SERTM1: variants seen among roughly 807,000 people sequenced by gnomAD.
SERTM1 encodes the protein serine-rich and transmembrane domain-containing protein 1.
A neutral mutation model predicts 5.5 loss-of-function variants in SERTM1; 1 was observed. The observed-to-expected ratio is 0.18, with a 90% CI of 0.06 to 0.86. The LOEUF is 0.86. Among genes scored for constraint, SERTM1 ranks in the 40% least tolerant of loss-of-function variants. SERTM1 has a pLI of 0.69. For missense variants in SERTM1, 91 were observed against 122.4 expected, an observed-to-expected ratio of 0.74 and a Z score of 1.21; for synonymous variants, 52 against 55.1, an observed-to-expected ratio of 0.94 and a Z score of 0.25.
rs1255021416 is a variant in SERTM1 at position 36,697,816 on chromosome 13, A to G, written c.*2414A>G. On this transcript the variant is annotated 3_prime_UTR_variant, in exon 2 of 2. Transcript: ENST00000315190. ...GAAAGGTTGGAAGATGGGTTTATAAATAAAGAAGTGGAGTCCATTGAAAGC... is the reference window on the plus strand; with the variant it reads ...GAAAGGTTGGAAGATGGGTTTATAAGTAAAGAAGTGGAGTCCATTGAAAGC... 1 of 167,080 alleles carries G rather than the reference A, an allele frequency of 6.0e-6. No homozygotes were observed. The highest frequency in any genetic ancestry group is 1.5e-5 in the Non-Finnish European group (1 of 68,124). 10.3% of individuals were successfully genotyped at this position (167,080 alleles called of 1,614,324 possible). A position where few individuals can be genotyped will look rare whatever the true frequency, so the allele number is the denominator to read the frequency against.
At position 36,676,951 on chromosome 13, in the gene SERTM1, G is replaced by A. The variant is rs138445176; in HGVS notation, c.-174+2767G>A. Among the ~76,000 whole-genome samples the A allele has an allele frequency of 7.3e-3, 1,117 of 152,286 alleles. 8 individuals are homozygous for A. Among genetic ancestry groups the A allele is most frequent in the Middle Eastern group, 0.027 (8 of 294 alleles). Reference sequence around the variant, plus strand: ...GATTCAAGCCAGAGGCTTAGATGAAGATGCCCTTGGTATGCATATGTGGCC... The same window carrying A: ...GATTCAAGCCAGAGGCTTAGATGAAAATGCCCTTGGTATGCATATGTGGCC... On this transcript the variant is annotated intron_variant, in intron 1 of 1. Transcript: ENST00000315190.
intron 1 of SERTM1, among the ~76,000 whole-genome samples, chr13:36,692,446 A>C (rs2056785269): frequency 6.6e-6 from 1 of 152,238 alleles, no homozygotes; most frequent in South Asian, 2.1e-4. Context: ...ACCATCCCTG[A>C]AAATGATACA....
intron 1 of SERTM1, among the ~76,000 whole-genome samples, chr13:36,692,006 A>G (rs1444668924): frequency 6.6e-6 from 1 of 152,224 alleles, no homozygotes; most frequent in Non-Finnish European, 1.5e-5. Flanking sequence ...CTAGCAGTGC[A>G]CATACTCTGT....
chr13:36,688,929 T>C (rs1049972263), intron 1 of SERTM1, among the ~76,000 whole-genome samples: 4 of 152,296 alleles, frequency 2.6e-5, no homozygotes, highest in African/African-American at 7.2e-5. Context: ...AGGTTACTCC[T>C]TTTCTTGTTT....
intron 1 of SERTM1, among the ~76,000 whole-genome samples, chr13:36,682,222 C>G (rs1235944533): frequency 6.6e-6 from 1 of 152,188 alleles, no homozygotes; most frequent in Non-Finnish European, 1.5e-5. Context: ...TTCCCTTATT[C>G]TTTCATTCAT....
At chr13:36,676,435 C>T (rs2056670487) in intron 1 of SERTM1, among the ~76,000 whole-genome samples, 1 of 151,616 alleles carries the variant, frequency 6.6e-6, no homozygotes, top group Non-Finnish European at 1.5e-5. Flanking sequence ...AAAGTTTGTA[C>T]AGTTTGTACG....
rs57478418 is a variant in SERTM1, at chr13:36,697,312, A to AATATATATATATATATATATATATATAT, written c.*1935_*1936insTATATATATATATATATATATATATATA. ...ATACGCACACACACACACACACATA[A>AATATATATATATATATATATATATATAT]ATATATATATATATATATATATATA... On this transcript the variant is annotated 3_prime_UTR_variant, in exon 2 of 2. Transcript: ENST00000315190. 3.1e-4 allele frequency: 45 copies of AATATATATATATATATATATATATATAT among 143,796 alleles called. No homozygotes were observed. Among genetic ancestry groups the AATATATATATATATATATATATATATAT allele is most frequent in the African/African-American group, 1.2e-3 (43 of 36,180 alleles). The allele number at this position is 143,796 out of a possible 1,614,324, so 8.9% of individuals were successfully genotyped here.
intron 1 of SERTM1, among the ~76,000 whole-genome samples, chr13:36,687,299 C>T (rs183931164): frequency 6.6e-6 from 1 of 152,216 alleles, no homozygotes; most frequent in Non-Finnish European, 1.5e-5. Flanking sequence ...TGTTCTAATC[C>T]ATTTTTAGGG....
chr13:36,688,347 G>A (rs2056755976), intron 1 of SERTM1, among the ~76,000 whole-genome samples: 1 of 151,868 alleles, frequency 6.6e-6, no homozygotes, highest in African/African-American at 2.4e-5. Flanking sequence ...CAAGTAACTG[G>A]GACTACAGGC....
chr13:36,696,452 A>T lies in SERTM1; in HGVS notation c.*1050A>T, dbSNP rs1001370996. 1 of 166,744 alleles carries T rather than the reference A, an allele frequency of 6.0e-6. No individual in the cohort carries two copies. The highest frequency in any genetic ancestry group is 2.4e-5 in the African/African-American group (1 of 41,448). 10.3% of individuals were successfully genotyped at this position (166,744 alleles called of 1,614,324 possible). On this transcript the variant is annotated 3_prime_UTR_variant, in exon 2 of 2. Transcript: ENST00000315190. The stretch of plus-strand genomic sequence containing the variant: ...ACTCCACGAATGTTGCGTCTCTGAT[A>T]ATTAGTTGTTGTATGTTAACATAAT...
chr13:36,690,762 A>C (rs538390823), intron 1 of SERTM1, among the ~76,000 whole-genome samples: 63 of 152,368 alleles, frequency 4.1e-4, no homozygotes, highest in African/African-American at 1.4e-3. Flanking sequence ...AATTCCATTC[A>C]ACTATCAAAT....
rs73173342 is a variant in SERTM1, at chr13:36,697,758, C to T, written c.*2356C>T. The T allele has an allele frequency of 9.2e-3, 1,532 of 167,042 alleles. 7 individuals carry two copies. The highest frequency in any genetic ancestry group is 8.9e-3 in the Admixed American group (136 of 15,282). The allele number at this position is 167,042 out of a possible 1,614,324, so 10.3% of individuals were successfully genotyped here. ...CTTGCCAAGGTAACAGATTGTACAA[C>T]TTGAGATGAATTCATGTTGTTTAAG... On this transcript the variant is annotated 3_prime_UTR_variant, in exon 2 of 2. Coordinates refer to ENST00000315190, the MANE Select transcript of SERTM1 (RefSeq NM_203451.3).
At chr13:36,686,543 T>C (rs1207649280) in intron 1 of SERTM1, among the ~76,000 whole-genome samples, 1 of 152,228 alleles carries the variant, frequency 6.6e-6, no homozygotes, top group African/African-American at 2.4e-5. Flanking sequence ...GTTTTATGTA[T>C]GTATGCATGT....
chr13:36,694,185 G>T (rs1039875858), intron 1 of SERTM1, among the ~76,000 whole-genome samples: 3 of 152,186 alleles, frequency 2.0e-5, no homozygotes, highest in Admixed American at 6.5e-5. Context: ...TAGGTAATTT[G>T]CCCAGTTTCC....
rs950367710 is a variant in SERTM1, at chr13:36,696,266, G to T, written c.*864G>T. 3 of 166,758 alleles carry T rather than the reference G, an allele frequency of 1.8e-5. No homozygotes were observed. In the Admixed American group the frequency reaches 2.0e-4, roughly 11 times the overall value. 10.3% of individuals were successfully genotyped at this position (166,758 alleles called of 1,614,324 possible). ...TATTCATTTAGTTGTATTTTATACAGTAATAACTCTTAGCTGTCGTGTAAG... is the reference window on the plus strand; with the variant it reads ...TATTCATTTAGTTGTATTTTATACATTAATAACTCTTAGCTGTCGTGTAAG... On this transcript the variant is annotated 3_prime_UTR_variant, in exon 2 of 2. Coordinates refer to ENST00000315190, the MANE Select transcript of SERTM1 (RefSeq NM_203451.3).
At chr13:36,684,681 T>A (rs958805656) in intron 1 of SERTM1, among the ~76,000 whole-genome samples, 9 of 151,832 alleles carry the variant, frequency 5.9e-5, no homozygotes, top group Admixed American at 5.9e-4. Flanking sequence ...GCTCAAACCA[T>A]TGAAACGAAA....
At chr13:36,693,148 A>G (rs910687847) in intron 1 of SERTM1, among the ~76,000 whole-genome samples, 2 of 152,214 alleles carry the variant, frequency 1.3e-5, no homozygotes, top group African/African-American at 4.8e-5. Context: ...TTGTCAAATC[A>G]ATTAGCTTCT....
At chr13:36,684,907 G>C (rs1263167723) in intron 1 of SERTM1, among the ~76,000 whole-genome samples, 1 of 152,196 alleles carries the variant, frequency 6.6e-6, no homozygotes, top group Admixed American at 6.5e-5. Flanking sequence ...AAAAGAATGT[G>C]TAACTATCTT....
intron 1 of SERTM1, among the ~76,000 whole-genome samples, chr13:36,679,996 A>G (rs2056693557): frequency 6.6e-6 from 1 of 152,222 alleles, no homozygotes; most frequent in East Asian, 1.9e-4. Context: ...TAAGGTGTAT[A>G]TGAAACATAA....
Sources: gnomAD v4.1 joint callset for allele counts (sites outside exome capture counted in the v4.1 genomes callset) on GRCh38, gnomAD v4.1.1 for gene constraint, MANE v1.5 for transcripts, NCBI Gene and HGNC (gene_info 2026-07-23, HGNC 2026-07-21) for gene names.